The following ARAP2 variants were observed in gnomAD, a reference collection of about 807,000 sequenced individuals.
ARAP2 encodes the protein ArfGAP with RhoGAP domain, ankyrin repeat and PH domain 2.
Under a neutral mutation model 194.5 loss-of-function variants are expected in ARAP2, and 148 were observed. That is an observed-to-expected ratio of 0.76 (90% CI 0.67 to 0.87). The LOEUF (loss-of-function observed/expected upper bound fraction) is 0.87. Ranked by LOEUF, ARAP2 falls within the 40% of genes least tolerant of loss-of-function variation. The pLI, the probability that ARAP2 is intolerant of heterozygous loss-of-function variation, is 0.00. For missense variants in ARAP2, 2,128 were observed against 1,989.7 expected (o/e 1.07, Z -1.32); for synonymous variants, 695 against 683.5 (o/e 1.02, Z -0.26).
At chr4:36,018,743 A>T (rs1167207477) in intron 6 of ARAP2, among the ~76,000 whole-genome samples, 4 of 152,226 alleles carry the variant, frequency 2.6e-5, no homozygotes, top group Admixed American at 6.5e-5. Context: ...TCTCCTGTGC[A>T]GCTAAATGTG....
intron 31 of ARAP2, among the ~76,000 whole-genome samples, chr4:36,078,422 A>AAAGGAGCTCATTAT (rs1159139641): frequency 4.6e-5 from 7 of 152,130 alleles, no homozygotes; most frequent in Non-Finnish European, 8.8e-5. Context: ...CTGAATACCA[A>AAAGGAGCTCATTAT]AAGGAGCTCA....
intron 10 of ARAP2, chr4:36,006,061 C>T (rs992188560): frequency 6.6e-6 from 1 of 152,036 alleles, no homozygotes; most frequent in Non-Finnish European, 1.5e-5. Context: ...ATTATGGGCT[C>T]TTAAAATGTA....
At chr4:36,009,546 GA>G (rs1714005382) in intron 9 of ARAP2, among the ~76,000 whole-genome samples, 1 of 151,954 alleles carries the variant, frequency 6.6e-6, no homozygotes. Flanking sequence ...GTAAGGATTG[GA>G]TACTATGTTC....
At chr4:36,028,670 T>C (rs1014808700) in intron 5 of ARAP2, among the ~76,000 whole-genome samples, 2 of 151,982 alleles carry the variant, frequency 1.3e-5, no homozygotes, top group Non-Finnish European at 2.9e-5. Flanking sequence ...TGTTTTCCCT[T>C]TCACTAATCC....
At chr4:36,041,629 CA>C (rs1446454942) in intron 5 of ARAP2, among the ~76,000 whole-genome samples, 1 of 152,100 alleles carries the variant, frequency 6.6e-6, no homozygotes, top group Non-Finnish European at 1.5e-5. Flanking sequence ...GGCAATTCTA[CA>C]AAGAGCTAAA....
chr4:36,230,954 T>C (rs957210322), intron 1 of ARAP2, among the ~76,000 whole-genome samples: 6 of 151,896 alleles, frequency 4.0e-5, no homozygotes, highest in South Asian at 2.1e-4. Context: ...GAAATAAAAA[T>C]ACAAAATAAA....
At chr4:36,130,547 A>C (rs1049545894) in intron 20 of ARAP2, among the ~76,000 whole-genome samples, 5 of 151,832 alleles carry the variant, frequency 3.3e-5, no homozygotes, top group African/African-American at 1.2e-4. Context: ...TTACCCATGA[A>C]GCTCTCTGTT....
intron 19 of ARAP2, among the ~76,000 whole-genome samples, chr4:36,136,925 C>CGA (rs1243168566): frequency 3.0e-5 from 1 of 33,514 alleles, no homozygotes; most frequent in Non-Finnish European, 7.0e-5. Context: ...CACATACACG[C>CGA]GCGCGCGCAC....
chr4:36,233,058 A>G (rs1751799855), intron 1 of ARAP2, among the ~76,000 whole-genome samples: 1 of 152,102 alleles, frequency 6.6e-6, no homozygotes, highest in Non-Finnish European at 1.5e-5. Context: ...TGCCATGGAA[A>G]AGGCTCCCTC....
chr4:36,233,928 G>T (rs1052198645), intron 1 of ARAP2, among the ~76,000 whole-genome samples: 6 of 152,186 alleles, frequency 3.9e-5, no homozygotes, highest in Admixed American at 1.3e-4. Flanking sequence ...TTACTTCTTA[G>T]AGTGTTGTCC....
chr4:36,007,270 TAAGTA>T (rs1315171780), intron 9 of ARAP2, among the ~76,000 whole-genome samples: 1 of 152,128 alleles, frequency 6.6e-6, no homozygotes, highest in East Asian at 1.9e-4. Flanking sequence ...TAGATGCAAT[TAAGTA>T]AAGTAACTTG....
chr4:36,147,427 A>C (rs1445121071), intron 18 of ARAP2, 68 bp from the exon 19 acceptor site: 1 of 1,581,916 alleles, frequency 6.3e-7, no homozygotes, highest in Non-Finnish European at 8.7e-7. Flanking sequence ...TGAAGACACA[A>C]ATATTAATAC....
chr4:36,202,497 A>AG (rs1402226316), intron 6 of ARAP2, among the ~76,000 whole-genome samples: 1 of 144,148 alleles, frequency 6.9e-6, no homozygotes, highest in Non-Finnish European at 1.5e-5. Context: ...AATGAGAAGA[A>AG]AAAAAAAAAG....
At chr4:36,039,420 T>A (rs905321709) in intron 5 of ARAP2, among the ~76,000 whole-genome samples, 1 of 152,226 alleles carries the variant, frequency 6.6e-6, no homozygotes, top group Non-Finnish European at 1.5e-5. Flanking sequence ...GCCTGTGTAA[T>A]TGGCATGTTC....
intron 7 of ARAP2, among the ~76,000 whole-genome samples, chr4:36,189,878 T>C (rs1741472324): frequency 6.6e-6 from 1 of 152,182 alleles, no homozygotes; most frequent in South Asian, 2.1e-4. Flanking sequence ...ACTTACACTC[T>C]CCTTATATCT....
At chr4:36,071,602 C>A (rs1180558794) in intron 32 of ARAP2, among the ~76,000 whole-genome samples, 2 of 151,764 alleles carry the variant, frequency 1.3e-5, no homozygotes, top group Admixed American at 6.6e-5. Flanking sequence ...CCAACAACTT[C>A]TTTGAAAAAT....
At chr4:36,160,782 GA>G in intron 12 of ARAP2, 141 bp from the exon 13 acceptor site, 1 of 683,720 alleles carries the variant, frequency 1.5e-6, no homozygotes, top group Non-Finnish European at 2.1e-6. Flanking sequence ...AACTATTCCA[GA>G]AAAAGGAAGT....
At chr4:36,129,566 C>G (rs1343958664) in intron 20 of ARAP2, among the ~76,000 whole-genome samples, 1 of 151,796 alleles carries the variant, frequency 6.6e-6, no homozygotes, top group Admixed American at 6.6e-5. Flanking sequence ...CCTGTAAATT[C>G]TTTTAACCCC....
intron 6 of ARAP2, among the ~76,000 whole-genome samples, chr4:36,194,485 A>G (rs1171235804): frequency 6.6e-6 from 1 of 152,206 alleles, no homozygotes; most frequent in East Asian, 1.9e-4. Flanking sequence ...TTATTTCTAA[A>G]CAAATATCAA....
Sources: allele counts gnomAD v4.1 joint callset (sites outside exome capture counted in the v4.1 genomes callset), GRCh38; gene constraint gnomAD v4.1.1; transcripts MANE v1.5; gene names NCBI Gene and HGNC (gene_info 2026-07-23, HGNC 2026-07-21).